Variants in DIPK2B observed in about 807,000 individuals in gnomAD.
DIPK2B encodes the protein UPF0672 protein CXorf36.
In DIPK2B, 15 loss-of-function variants were observed where a neutral mutation model predicts 22.2. The ratio of observed to expected loss-of-function variants is 0.68; its 90% CI spans 0.45 to 1.04. The LOEUF is 1.04. Ranked by LOEUF, DIPK2B falls within the 50% of genes least tolerant of loss-of-function variation. The pLI, the probability that DIPK2B is intolerant of heterozygous loss-of-function variation, is 0.00. For synonymous variants in DIPK2B, 163 were observed against 153.2 expected, an observed-to-expected ratio of 1.06 and a Z score of -0.47; for missense variants, 345 against 348.3, an observed-to-expected ratio of 0.99 and a Z score of 0.08.
At chrX:45,163,579 G>A (rs963200480) in intron 2 of DIPK2B, 18 of 754,275 alleles carry the variant, frequency 2.4e-5, no homozygotes, top group Non-Finnish European at 2.8e-5. Flanking sequence ...CCAGCAATCA[G>A]CAGTGTCCTC....
intron 3 of DIPK2B, among the ~76,000 whole-genome samples, chrX:45,156,124 G>T (rs761323524): frequency 1.4e-4 from 15 of 107,878 alleles, no homozygotes; most frequent in African/African-American, 4.1e-4. Flanking sequence ...ATCCCACTGT[G>T]CCTGGCTATT....
chrX:45,154,617 T>C (rs1168744682), intron 3 of DIPK2B, among the ~76,000 whole-genome samples: 1 of 111,202 alleles, frequency 9.0e-6, no homozygotes, highest in African/African-American at 3.3e-5. Flanking sequence ...TCAACAGAGT[T>C]CCTCCAAGCA....
chrX:45,163,955 T>C, intron 2 of DIPK2B: 1 of 940,630 alleles, frequency 1.1e-6, no homozygotes, highest in African/African-American at 2.0e-5. Flanking sequence ...CACAGTGTGG[T>C]GGAAAGAGCC....
intron 1 of DIPK2B, among the ~76,000 whole-genome samples, chrX:45,195,533 C>T (rs1473430465): frequency 9.0e-6 from 1 of 111,725 alleles, no homozygotes; most frequent in African/African-American, 3.3e-5. Context: ...GTTTTTCCTC[C>T]CTTCCCTCTT....
intron 2 of DIPK2B, among the ~76,000 whole-genome samples, chrX:45,184,738 C>T (rs1028296888): frequency 8.9e-6 from 1 of 112,077 alleles, no homozygotes; most frequent in Admixed American, 9.5e-5. Flanking sequence ...AATGACCGAA[C>T]TTGTGTCAAC....
At chrX:45,173,725 C>G (rs2047099996) in intron 2 of DIPK2B, among the ~76,000 whole-genome samples, 3 of 108,663 alleles carry the variant, frequency 2.8e-5, no homozygotes, top group Non-Finnish European at 5.7e-5. Context: ...CATACACTAC[C>G]ACACCCAGCT....
chrX:45,199,047 C>T (rs2047254430), intron 1 of DIPK2B, among the ~76,000 whole-genome samples: 1 of 111,782 alleles, frequency 8.9e-6, no homozygotes, highest in Admixed American at 9.5e-5. Context: ...GCCTAACACT[C>T]TCAGCATGGC....
At chrX:45,163,993 A>G (rs1462315383) in intron 2 of DIPK2B, 6 of 968,770 alleles carry the variant, frequency 6.2e-6, no homozygotes, top group Non-Finnish European at 7.8e-6. Context: ...ATCAGAGAAT[A>G]TTGTGCAAAG....
chrX:45,164,771 G>GA (rs200752983), intron 2 of DIPK2B, among the ~76,000 whole-genome samples: 164 of 110,248 alleles, frequency 1.5e-3, no homozygotes, highest in African/African-American at 5.1e-3. Context: ...AATAATAACA[G>GA]AAAAAAAAAT....
At chrX:45,194,615 T>C (rs1235181438) in intron 1 of DIPK2B, among the ~76,000 whole-genome samples, 1 of 111,922 alleles carries the variant, frequency 8.9e-6, no homozygotes, top group Non-Finnish European at 1.9e-5. Context: ...ACCCATTTTA[T>C]GAATTAGCTC....
rs1325924022 is a variant in DIPK2B at position 45,176,586 on chromosome X, C to T, written c.498+15165G>A. On this transcript the variant is annotated intron_variant, in intron 2 of 4. Transcript: ENST00000398000. ...TTAGCACATGTTGGGGCTCTAGATG[C>T]AGGGTAAGCCTTCCGAGAAGGTTAT... 3.8e-4 allele frequency among the ~76,000 whole-genome samples: 42 copies of T among 111,863 alleles called. No homozygotes were observed. The Admixed American group carries it at 4.0e-3, about 11-fold the overall frequency.
chrX:45,170,868 T>A (rs2047077356), intron 2 of DIPK2B, among the ~76,000 whole-genome samples: 1 of 112,534 alleles, frequency 8.9e-6, no homozygotes, highest in Non-Finnish European at 1.9e-5. Context: ...CAGTGCTCTG[T>A]GCCTTGCATG....
In DIPK2B at chrX:45,200,691, T is replaced by C; in HGVS notation, c.136A>G (p.Thr46Ala). The C allele has an allele frequency of 8.2e-7, 1 of 1,212,553 alleles. No individual in the cohort carries two copies. The highest frequency in any genetic ancestry group is 1.1e-6 in the Non-Finnish European group (1 of 895,671). ...AAAGTCCTTCCAAAATTGTAGCTGG[T>C]TCTGACTTGGGGCACCAGAGAAGAA... ...SLSSLVPQVR[T>A]SYNFGRTFLG... is the part of the protein sequence containing the mutation. The change falls in exon 1 of 5, where the codon ACC becomes GCC. Residue 46 changes from threonine (T) to alanine (A), a missense_variant. Physicochemically the swap from Thr to Ala is moderately conservative, Grantham distance 58. Coordinates refer to ENST00000398000, the MANE Select transcript of DIPK2B (RefSeq NM_176819.4).
intron 2 of DIPK2B, among the ~76,000 whole-genome samples, chrX:45,160,834 A>G (rs2047018795): frequency 8.9e-6 from 1 of 112,019 alleles, no homozygotes; most frequent in Admixed American, 9.5e-5. Flanking sequence ...TCAGCTATAC[A>G]TTTTAGGAAA....
At chrX:45,173,532 C>T (rs200780059) in intron 2 of DIPK2B, among the ~76,000 whole-genome samples, 10 of 73,263 alleles carry the variant, frequency 1.4e-4, no homozygotes, top group Non-Finnish European at 2.2e-4. Context: ...TTTCTTTCTT[C>T]CTTTCTTTCT....
At chrX:45,181,140 T>C (rs772422969) in intron 2 of DIPK2B, among the ~76,000 whole-genome samples, 4 of 111,395 alleles carry the variant, frequency 3.6e-5, no homozygotes, top group African/African-American at 1.3e-4. Flanking sequence ...TACAGTAACA[T>C]CAAAAAACAT....
intron 2 of DIPK2B, among the ~76,000 whole-genome samples, chrX:45,180,031 G>A (rs2047141126): frequency 9.0e-6 from 1 of 110,964 alleles, no homozygotes; most frequent in African/African-American, 3.3e-5. Flanking sequence ...GAGTGTGTGA[G>A]CAAGTCCCCC....
chrX:45,165,755 GA>G lies in DIPK2B; in HGVS notation c.499-7868del, dbSNP rs2047045389. Among the ~76,000 whole-genome samples, 6 of 112,173 alleles carry G rather than the reference GA, an allele frequency of 5.3e-5. No individual in the cohort carries two copies. The Admixed American group carries it at 5.7e-4, about 11-fold the overall frequency. On this transcript the variant is annotated intron_variant, in intron 2 of 4. Coordinates refer to ENST00000398000, the MANE Select transcript of DIPK2B (RefSeq NM_176819.4). ...GTAAAAAGAACCAGAGACACTGCTG[GA>G]GTTCTCTACTGCTGCTTCTCCAGCT...
intron 1 of DIPK2B, among the ~76,000 whole-genome samples, chrX:45,195,797 A>G (rs1484332622): frequency 1.8e-5 from 2 of 112,150 alleles, no homozygotes; most frequent in African/African-American, 6.5e-5. Flanking sequence ...CCTTGGATAA[A>G]CCACATTCTT....
Sources: gnomAD v4.1 joint callset for allele counts (sites outside exome capture counted in the v4.1 genomes callset) on GRCh38, gnomAD v4.1.1 for gene constraint, MANE v1.5 for transcripts, NCBI Gene and HGNC (gene_info 2026-07-23, HGNC 2026-07-21) for gene names.